GABRB2: variants seen among roughly 807,000 people sequenced by gnomAD.
GABRB2 encodes gamma-aminobutyric acid type A receptor subunit beta2.
Under a neutral mutation model 54.7 loss-of-function variants are expected in GABRB2, and 16 were observed. The observed-to-expected ratio is 0.29, with a 90% confidence interval of 0.20 to 0.44. The LOEUF is 0.44. GABRB2 is among the 20% of genes least tolerant of loss of function. The pLI is 1.00. For missense variants in GABRB2, 355 were observed against 644.0 expected (o/e 0.55, Z 4.86); for synonymous variants, 244 against 233.8 (o/e 1.04, Z -0.40).
At chr5:161,416,798 A>G (rs1350917869) in intron 4 of GABRB2, among the ~76,000 whole-genome samples, 1 of 151,626 alleles carries the variant, frequency 6.6e-6, no homozygotes, top group Admixed American at 6.6e-5. Flanking sequence ...TTTGCTCAAA[A>G]TGTGCATTTA....
chr5:161,336,259 C>T (rs1170472872), intron 6 of GABRB2, among the ~76,000 whole-genome samples: 1 of 152,130 alleles, frequency 6.6e-6, no homozygotes, highest in Admixed American at 6.6e-5. Flanking sequence ...TGAACTGCAA[C>T]TCGGGTCTCC....
intron 9 of GABRB2, among the ~76,000 whole-genome samples, chr5:161,323,537 G>A (rs1758278108): frequency 6.6e-6 from 1 of 152,078 alleles, no homozygotes; most frequent in South Asian, 2.1e-4. Context: ...CGCTAATTAT[G>A]GGATCTGCTT....
intron 5 of GABRB2, among the ~76,000 whole-genome samples, chr5:161,389,586 G>GTGTC (rs1288452742): frequency 1.3e-5 from 2 of 151,646 alleles, no homozygotes; most frequent in African/African-American, 4.9e-5. Context: ...GTGTGTGTGT[G>GTGTC]TGTGTGTGTG....
intron 3 of GABRB2, among the ~76,000 whole-genome samples, chr5:161,537,976 C>T (rs950592654): frequency 2.0e-5 from 3 of 151,836 alleles, no homozygotes; most frequent in Non-Finnish European, 2.9e-5. Flanking sequence ...CACTTCTAAC[C>T]CCCTTCTTCA....
At chr5:161,546,229 C>G (rs1031269645) in intron 2 of GABRB2, 93 bp downstream of exon 2, 4 of 947,016 alleles carry the variant, frequency 4.2e-6, no homozygotes, top group Non-Finnish European at 6.9e-6. Context: ...ACACCACATG[C>G]ACCCACAACT....
intron 3 of GABRB2, among the ~76,000 whole-genome samples, chr5:161,542,342 C>T (rs563918781): frequency 6.6e-6 from 1 of 152,136 alleles, no homozygotes; most frequent in East Asian, 1.9e-4. Context: ...TCAAGGTTGC[C>T]ACAAACCTTC....
chr5:161,388,643 T>G (rs1194111612), intron 5 of GABRB2, among the ~76,000 whole-genome samples: 1 of 151,994 alleles, frequency 6.6e-6, no homozygotes, highest in African/African-American at 2.4e-5. Context: ...ATAATAATTC[T>G]TAATGCACTT....
Position 161,532,103 on chromosome 5 carries a change from C to T in GABRB2, c.237+13124G>A, listed in dbSNP as rs148111269. Reference sequence around the variant, plus strand: ...AACAGTGATGAGCTATTACTAGAGACACATACAGGGATGAATGCTTGGGTG... The same window carrying T: ...AACAGTGATGAGCTATTACTAGAGATACATACAGGGATGAATGCTTGGGTG... On this transcript the variant is annotated intron_variant, in intron 3 of 9. Transcript: ENST00000393959. Among the ~76,000 whole-genome samples, 137 of 152,222 alleles carry T rather than the reference C, an allele frequency of 9.0e-4. 2 individuals carry two copies. In the East Asian group the frequency reaches 0.024, roughly 26 times the overall value.
At chr5:161,337,971 C>T (rs1425995956) in intron 5 of GABRB2, among the ~76,000 whole-genome samples, 1 of 152,152 alleles carries the variant, frequency 6.6e-6, no homozygotes, top group Non-Finnish European at 1.5e-5. Flanking sequence ...TGCTTAAATT[C>T]TTTGCCTTTT....
intron 5 of GABRB2, among the ~76,000 whole-genome samples, chr5:161,342,403 T>C (rs922796882): frequency 2.0e-5 from 3 of 152,038 alleles, no homozygotes; most frequent in Non-Finnish European, 4.4e-5. Context: ...TTGATTTCTG[T>C]TCTGAGAAAC....
chr5:161,520,695 C>T (rs746263917), intron 3 of GABRB2, among the ~76,000 whole-genome samples: 2 of 152,036 alleles, frequency 1.3e-5, no homozygotes, highest in African/African-American at 2.4e-5. Context: ...TCAGACCCTT[C>T]AGTGCTGTGA....
At chr5:161,508,118 T>C (rs1759664583) in intron 3 of GABRB2, among the ~76,000 whole-genome samples, 1 of 151,836 alleles carries the variant, frequency 6.6e-6, no homozygotes, top group Admixed American at 6.6e-5. Context: ...AAATATTTTA[T>C]ATCACTGAAT....
At chr5:161,295,366 C>T (rs565295322) in intron 9 of GABRB2, among the ~76,000 whole-genome samples, 6 of 152,120 alleles carry the variant, frequency 3.9e-5, no homozygotes, top group Admixed American at 2.0e-4. Context: ...AATGTTCTTT[C>T]TTGTGTTAAG....
At chr5:161,337,380 T>G (rs1257225755) in intron 5 of GABRB2, among the ~76,000 whole-genome samples, 1 of 152,138 alleles carries the variant, frequency 6.6e-6, no homozygotes, top group Non-Finnish European at 1.5e-5. Flanking sequence ...TGTAGCATAT[T>G]TAGTTTCAAA....
At chr5:161,499,152 C>A (rs1031681204) in intron 3 of GABRB2, among the ~76,000 whole-genome samples, 1 of 152,124 alleles carries the variant, frequency 6.6e-6, no homozygotes, top group African/African-American at 2.4e-5. Context: ...TGTCTTGTCT[C>A]ATTCCTTTGA....
At chr5:161,333,275 A>C (rs1285045606) in intron 7 of GABRB2, among the ~76,000 whole-genome samples, 1 of 152,210 alleles carries the variant, frequency 6.6e-6, no homozygotes, top group African/African-American at 2.4e-5. Context: ...CATGCAAGAC[A>C]CTGCAGATAT....
chr5:161,431,040 TTATC>T (rs1210238243), intron 4 of GABRB2, among the ~76,000 whole-genome samples: 1 of 152,170 alleles, frequency 6.6e-6, no homozygotes, highest in Non-Finnish European at 1.5e-5. Flanking sequence ...AAACACAGAA[TTATC>T]ATTTTGAAAA....
chr5:161,341,480 C>T (rs1390318247), intron 5 of GABRB2, among the ~76,000 whole-genome samples: 2 of 151,362 alleles, frequency 1.3e-5, no homozygotes, highest in Non-Finnish European at 3.0e-5. Flanking sequence ...ATTCAGAGGG[C>T]CTATAAATAA....
At chr5:161,532,130 T>C (rs1241688947) in intron 3 of GABRB2, among the ~76,000 whole-genome samples, 6 of 152,150 alleles carry the variant, frequency 3.9e-5, no homozygotes, top group South Asian at 2.1e-4. Context: ...GCTTGGGTGG[T>C]CAAATTTTGA....
Sources: allele counts gnomAD v4.1 joint callset (sites outside exome capture counted in the v4.1 genomes callset), GRCh38; gene constraint gnomAD v4.1.1; transcripts MANE v1.5; gene names NCBI Gene and HGNC (gene_info 2026-07-23, HGNC 2026-07-21).